The following SUCLG2 variants were observed in gnomAD, a reference collection of about 807,000 sequenced individuals.
SUCLG2 encodes succinate-CoA ligase GDP-forming subunit beta, also known as succinate--CoA ligase [GDP-forming] subunit beta, mitochondrial.
SUCLG2 carries 42 observed loss-of-function variants against 47.9 expected under a neutral mutation model. That is an observed-to-expected ratio of 0.88 (90% confidence interval 0.69 to 1.14). SUCLG2 has a LOEUF of 1.14. Among genes scored for constraint, SUCLG2 ranks in the 50% most tolerant of loss-of-function variants. The probability of loss-of-function intolerance (pLI) is 0.00; values close to 1 mark genes in which losing one functional copy is unlikely to be tolerated. For missense variants in SUCLG2, 571 were observed against 525.9 expected, an observed-to-expected ratio of 1.09 and a Z score of -0.84; for synonymous variants, 195 against 197.3, an observed-to-expected ratio of 0.99 and a Z score of 0.10.
At chr3:67,467,457 A>G (rs915722331) in intron 9 of SUCLG2, among the ~76,000 whole-genome samples, 1 of 152,222 alleles carries the variant, frequency 6.6e-6, no homozygotes, top group African/African-American at 2.4e-5. Context: ...CTTCACGTGG[A>G]AAAAAGATGA....
At chr3:67,474,918 A>G (rs1704708520) in intron 9 of SUCLG2, among the ~76,000 whole-genome samples, 1 of 151,904 alleles carries the variant, frequency 6.6e-6, no homozygotes, top group African/African-American at 2.4e-5. Flanking sequence ...AGTAGGCTCT[A>G]CTTTCCCAAC....
intron 9 of SUCLG2, among the ~76,000 whole-genome samples, chr3:67,441,788 C>T (rs1383935894): frequency 6.6e-6 from 1 of 152,060 alleles, no homozygotes; most frequent in Non-Finnish European, 1.5e-5. Context: ...TGAAAGGAAC[C>T]AAGAAAAATA....
At chr3:67,499,942 A>T (rs1397409962) in intron 7 of SUCLG2, among the ~76,000 whole-genome samples, 1 of 152,098 alleles carries the variant, frequency 6.6e-6, no homozygotes, top group Non-Finnish European at 1.5e-5. Flanking sequence ...CGTGTTAGCC[A>T]GGATGGTCTC....
intron 9 of SUCLG2, among the ~76,000 whole-genome samples, chr3:67,438,422 T>C (rs1703677311): frequency 6.7e-6 from 1 of 149,164 alleles, no homozygotes; most frequent in South Asian, 2.1e-4. Flanking sequence ...AAACTCATCC[T>C]CCCACCCAAA....
At chr3:67,422,774 T>G (rs1703199174) in intron 9 of SUCLG2, among the ~76,000 whole-genome samples, 1 of 152,148 alleles carries the variant, frequency 6.6e-6, no homozygotes, top group Admixed American at 6.6e-5. Flanking sequence ...GACTTTTTAT[T>G]GTCTGTGCAT....
chr3:67,478,734 G>A (rs146985888), intron 9 of SUCLG2, among the ~76,000 whole-genome samples: 417 of 152,294 alleles, frequency 2.7e-3, no homozygotes, highest in Admixed American at 4.6e-3. Flanking sequence ...CTAGTGGGAG[G>A]TTGCAACTGC....
At chr3:67,635,400 T>C (rs1019956143) in intron 1 of SUCLG2, among the ~76,000 whole-genome samples, 5 of 152,160 alleles carry the variant, frequency 3.3e-5, no homozygotes, top group African/African-American at 1.2e-4. Flanking sequence ...ATTGTGTGTA[T>C]CAGACATAAG....
chr3:67,375,085 G>A lies in SUCLG2; in HGVS notation c.*659C>T. ...GCTTCTGGTTTTCTTTTTAGTGTGA[G>A]GTAAACAGTATATTCAATATTAAGG... On this transcript the variant is annotated 3_prime_UTR_variant, in exon 11 of 11. Transcript: ENST00000307227. 2.0e-6 allele frequency: 2 copies of A among 985,566 alleles called. No individual in the cohort carries two copies. The highest frequency in any genetic ancestry group is 2.4e-6 in the Non-Finnish European group (2 of 829,836). The allele number at this position is 985,566 out of a possible 1,614,324, so 61.1% of individuals were successfully genotyped here. A position where few individuals can be genotyped will look rare whatever the true frequency, so the allele number is the denominator to read the frequency against.
intron 2 of SUCLG2, among the ~76,000 whole-genome samples, chr3:67,549,331 C>T (rs1706950072): frequency 6.6e-6 from 1 of 152,172 alleles, no homozygotes. Flanking sequence ...TGTCACCTGC[C>T]TGAAGCTTAA....
At chr3:67,522,651 G>A (rs1464313753) in intron 4 of SUCLG2, among the ~76,000 whole-genome samples, 1 of 150,076 alleles carries the variant, frequency 6.7e-6, no homozygotes, top group African/African-American at 2.5e-5. Context: ...CACTAACATT[G>A]CTTTTCTTTC....
At chr3:67,649,300 C>A (rs764577366) in intron 1 of SUCLG2, among the ~76,000 whole-genome samples, 15 of 152,162 alleles carry the variant, frequency 9.9e-5, no homozygotes, top group Non-Finnish European at 2.2e-4. Flanking sequence ...TACCTCTGTG[C>A]CCTCTGAAGG....
At position 67,531,373 on chromosome 3, in the gene SUCLG2, G is replaced by A. The variant is rs147331572; in HGVS notation, c.227-2187C>T. ...CCTGAAGAGATGCTTTCCTCTCTGA[G>A]CTTTCCAGCAGCAAAACTTGAAAGC... is the stretch of plus-strand genomic sequence containing the variant. On this transcript the variant is annotated intron_variant, in intron 2 of 10. Coordinates refer to ENST00000307227, the MANE Select transcript of SUCLG2 (RefSeq NM_003848.4). 4.4e-3 allele frequency among the ~76,000 whole-genome samples: 673 copies of A among 152,272 alleles called. 8 individuals are homozygous for A. The East Asian group carries it at 0.054, about 12-fold the overall frequency.
At chr3:67,643,798 T>C (rs924664744) in intron 1 of SUCLG2, among the ~76,000 whole-genome samples, 4 of 152,178 alleles carry the variant, frequency 2.6e-5, no homozygotes, top group African/African-American at 9.7e-5. Flanking sequence ...TGACTCAGCC[T>C]CCCAAGTAGC....
chr3:67,361,003 T>C (rs1231891884), intron 10 of SUCLG2, among the ~76,000 whole-genome samples: 1 of 152,176 alleles, frequency 6.6e-6, no homozygotes, highest in Non-Finnish European at 1.5e-5. Context: ...GACATTTGGA[T>C]AAGGCAGATG....
Position 67,552,966 on chromosome 3 carries a change from T to A in SUCLG2, c.227-23780A>T, listed in dbSNP as rs1707057847. 2.0e-5 allele frequency among the ~76,000 whole-genome samples: 3 copies of A among 152,238 alleles called. No individual in the cohort carries two copies. The South Asian group carries it at 6.2e-4, about 31-fold the overall frequency. On this transcript the variant is annotated intron_variant, in intron 2 of 10. Coordinates refer to ENST00000307227, the MANE Select transcript of SUCLG2 (RefSeq NM_003848.4). Reference sequence around the variant, plus strand: ...TATACTGAATGCTTTGTATGTGTATTACTTCTAATCCACCCACTAATCACA... The same window carrying A: ...TATACTGAATGCTTTGTATGTGTATAACTTCTAATCCACCCACTAATCACA...
Position 67,541,122 on chromosome 3 carries a change from A to C in SUCLG2, c.227-11936T>G, listed in dbSNP as rs140946293. Among the ~76,000 whole-genome samples, 1,407 of 152,294 alleles carry C rather than the reference A, an allele frequency of 9.2e-3. 23 individuals carry two copies. Among genetic ancestry groups the C allele is most frequent in the African/African-American group, 0.033 (1,362 of 41,566 alleles). ...GAAGAACCAGTACAAAAAGGCTGAA[A>C]ATTCCAAAAACCAGAACACCTCTTT... On this transcript the variant is annotated intron_variant, in intron 2 of 10. Transcript: ENST00000307227.
At position 67,375,379 on chromosome 3, in the gene SUCLG2, G is replaced by A; in HGVS notation, c.*365C>T. 1 of 990,816 alleles carries A rather than the reference G, an allele frequency of 1.0e-6. No homozygotes were observed. Among genetic ancestry groups the A allele is most frequent in the Non-Finnish European group, 1.2e-6 (1 of 833,620 alleles). 61.4% of individuals were successfully genotyped at this position (990,816 alleles called of 1,614,324 possible). A position where few individuals can be genotyped will look rare whatever the true frequency, so the allele number is the denominator to read the frequency against. ...ATGGTCTGTTTTTCTTTTTCATTAT[G>A]TAGGATTAGATGCCCACCAAAATTC... is the stretch of plus-strand genomic sequence containing the variant. On this transcript the variant is annotated 3_prime_UTR_variant, in exon 11 of 11. Transcript: ENST00000307227.
intron 10 of SUCLG2, among the ~76,000 whole-genome samples, chr3:67,366,612 C>T (rs565923827): frequency 1.3e-5 from 2 of 152,144 alleles, no homozygotes; most frequent in Non-Finnish European, 2.9e-5. Flanking sequence ...CGACAGTGGT[C>T]CTGAAGAGGT....
intron 2 of SUCLG2, among the ~76,000 whole-genome samples, chr3:67,539,526 T>C (rs1706642438): frequency 6.6e-6 from 1 of 152,192 alleles, no homozygotes; most frequent in Non-Finnish European, 1.5e-5. Context: ...TTTTCTTTTT[T>C]TGTTGTGTCT....
Sources: gnomAD v4.1 joint callset for allele counts (sites outside exome capture counted in the v4.1 genomes callset) on GRCh38, gnomAD v4.1.1 for gene constraint, MANE v1.5 for transcripts, NCBI Gene and HGNC (gene_info 2026-07-23, HGNC 2026-07-21) for gene names.